Variants in CEP128 observed in about 807,000 individuals in gnomAD.
The protein encoded by CEP128 is centrosomal protein 128, also known as centrosomal protein 128kDa.
In CEP128, 132 loss-of-function variants were observed where a neutral mutation model predicts 156.7. The ratio of observed to expected loss-of-function variants is 0.84; its 90% CI spans 0.73 to 0.97. The LOEUF (loss-of-function observed/expected upper bound fraction) is 0.97, where lower values mean the gene tolerates loss of function less well. CEP128 is among the 50% of genes least tolerant of loss of function. CEP128 has a pLI of 0.00. For missense variants in CEP128, 1,252 were observed against 1,281.9 expected, an observed-to-expected ratio of 0.98 and a Z score of 0.36; for synonymous variants, 469 against 448.9, an observed-to-expected ratio of 1.04 and a Z score of -0.57.
At chr14:80,866,062 C>T (rs1019538816) in intron 8 of CEP128, among the ~76,000 whole-genome samples, 2 of 152,106 alleles carry the variant, frequency 1.3e-5, no homozygotes, top group Non-Finnish European at 2.9e-5. Flanking sequence ...CATGACCATC[C>T]CTATGGACCC....
intron 2 of CEP128, among the ~76,000 whole-genome samples, chr14:80,919,264 C>T (rs968559464): frequency 9.9e-5 from 15 of 152,068 alleles, no homozygotes; most frequent in South Asian, 2.1e-4. Context: ...ACTTCTAATA[C>T]GTAGACAATT....
chr14:80,668,827 G>A lies in CEP128; in HGVS notation c.2806+74248C>T, dbSNP rs191307383. 3.0e-3 allele frequency among the ~76,000 whole-genome samples: 462 copies of A among 152,220 alleles called. 2 individuals are homozygous for A. The highest frequency in any genetic ancestry group is 4.4e-3 in the Non-Finnish European group (298 of 68,014). Reference sequence around the variant, plus strand: ...CGTGGGAGGTAATTGAATCATAGGGGTGAGCCTTTCCTGTGCTGTTCTCAT... The same window carrying A: ...CGTGGGAGGTAATTGAATCATAGGGATGAGCCTTTCCTGTGCTGTTCTCAT... On this transcript the variant is annotated intron_variant, in intron 19 of 24. Transcript: ENST00000555265.
At chr14:80,618,930 C>T (rs927525447) in intron 19 of CEP128, among the ~76,000 whole-genome samples, 2 of 152,124 alleles carry the variant, frequency 1.3e-5, no homozygotes, top group South Asian at 2.1e-4. Flanking sequence ...AATAGTGTTG[C>T]GCTAGCTAAA....
intron 19 of CEP128, among the ~76,000 whole-genome samples, chr14:80,682,995 A>G (rs1896382716): frequency 6.6e-6 from 1 of 152,072 alleles, no homozygotes; most frequent in Non-Finnish European, 1.5e-5. Flanking sequence ...CACCCCCACC[A>G]AACACACACG....
Position 80,895,638 on chromosome 14 carries a change from C to A in CEP128, c.645+80G>T, listed in dbSNP as rs1889310177. ...ATACCACCCAAAAGGTTAAACTCTA[C>A]TAAACTTCACTGTGATTATGACCAG... is the stretch of plus-strand genomic sequence containing the variant. On this transcript the variant is annotated intron_variant, in intron 8 of 24. Transcript: ENST00000555265. 5 of 979,014 alleles carry A rather than the reference C, an allele frequency of 5.1e-6. No individual in the cohort carries two copies. The East Asian group carries it at 1.4e-4, about 27-fold the overall frequency. 60.6% of individuals were successfully genotyped at this position (979,014 alleles called of 1,614,324 possible).
chr14:80,761,176 G>C (rs1899945163), intron 17 of CEP128, among the ~76,000 whole-genome samples: 1 of 151,486 alleles, frequency 6.6e-6, no homozygotes, highest in Non-Finnish European at 1.5e-5. Flanking sequence ...TTGACTCCAA[G>C]GGCTACCTCT....
rs55964142 is a variant in CEP128 at position 80,733,339 on chromosome 14, CGTGTGTGTGTGT to C, written c.2806+9724_2806+9735del. On this transcript the variant is annotated intron_variant, in intron 19 of 24. Coordinates refer to ENST00000555265, the MANE Select transcript of CEP128 (RefSeq NM_152446.5). ...TCTCAGTCTTCATAACCACATGGGT[CGTGTGTGTGTGT>C]GTGTGTGTGTGTGTGTGTGTGTGTG... Among the ~76,000 whole-genome samples the C allele has an allele frequency of 4.2e-3, 590 of 140,220 alleles. 4 individuals carry two copies. Among genetic ancestry groups the C allele is most frequent in the Admixed American group, 0.011 (148 of 13,942 alleles). 92.0% of individuals were successfully genotyped at this position (140,220 alleles called of 152,430 possible). A position where few individuals can be genotyped will look rare whatever the true frequency, so the allele number is the denominator to read the frequency against.
intron 19 of CEP128, among the ~76,000 whole-genome samples, chr14:80,627,634 T>C (rs1035940283): frequency 2.6e-5 from 4 of 152,262 alleles, no homozygotes; most frequent in Non-Finnish European, 4.4e-5. Flanking sequence ...AAGAGAAATA[T>C]TTAGAAATTA....
At chr14:80,830,620 T>A (rs1393561384) in intron 13 of CEP128, 1 of 174,652 alleles carries the variant, frequency 5.7e-6, no homozygotes, top group East Asian at 1.7e-4. Context: ...CTAGTTATAC[T>A]CCATTCACGG....
At chr14:80,657,641 ACT>A (rs1595165462) in intron 19 of CEP128, among the ~76,000 whole-genome samples, 1 of 152,032 alleles carries the variant, frequency 6.6e-6, no homozygotes, top group Non-Finnish European at 1.5e-5. Flanking sequence ...ACAGAGTGAG[ACT>A]CTGTCTCAAA....
intron 2 of CEP128, chr14:80,955,577 C>T: frequency 7.0e-7 from 1 of 1,419,180 alleles, no homozygotes; most frequent in Non-Finnish European, 9.9e-7. Context: ...CTCTTCCCAC[C>T]CCTCCCGCTC....
chr14:80,530,763 C>A, intron 22 of CEP128, 46 bp downstream of exon 22: 1 of 1,349,248 alleles, frequency 7.4e-7, no homozygotes. Flanking sequence ...GTCAAGTGTT[C>A]TCACTCAGAT....
intron 12 of CEP128, among the ~76,000 whole-genome samples, chr14:80,832,033 C>T (rs1024882477): frequency 1.3e-5 from 2 of 152,166 alleles, no homozygotes; most frequent in Non-Finnish European, 2.9e-5. Flanking sequence ...TCTTTCCATG[C>T]TGTTCTCATG....
intron 13 of CEP128, among the ~76,000 whole-genome samples, chr14:80,795,987 A>T (rs994349933): frequency 6.6e-6 from 1 of 152,172 alleles, no homozygotes; most frequent in Admixed American, 6.5e-5. Flanking sequence ...CAACACCAAC[A>T]AAAGCACTTT....
At chr14:80,521,797 C>A (rs567948976) in intron 23 of CEP128, among the ~76,000 whole-genome samples, 2 of 152,116 alleles carry the variant, frequency 1.3e-5, no homozygotes, top group Non-Finnish European at 2.9e-5. Flanking sequence ...TCTGGAGTCC[C>A]GGCAGTGCTT....
intron 2 of CEP128, among the ~76,000 whole-genome samples, chr14:80,935,637 TCCC>T (rs1384032697): frequency 8.9e-5 from 2 of 22,448 alleles, no homozygotes; most frequent in African/African-American, 3.8e-4. Context: ...AAGCTATGAG[TCCC>T]CCCACCAAAA....
intron 16 of CEP128, among the ~76,000 whole-genome samples, chr14:80,774,435 G>A (rs1355350753): frequency 6.6e-6 from 1 of 152,076 alleles, no homozygotes; most frequent in East Asian, 1.9e-4. Context: ...AACCCATAAG[G>A]CCTCATTTAT....
At chr14:80,953,367 C>T (rs566778832) in intron 2 of CEP128, among the ~76,000 whole-genome samples, 1 of 152,264 alleles carries the variant, frequency 6.6e-6, no homozygotes, top group South Asian at 2.1e-4. Flanking sequence ...GGGCGGATCA[C>T]GAGATCAGGA....
intron 19 of CEP128, among the ~76,000 whole-genome samples, chr14:80,670,971 T>G (rs1260620362): frequency 3.3e-5 from 5 of 152,164 alleles, no homozygotes; most frequent in Non-Finnish European, 7.3e-5. Context: ...GTTACCTTGA[T>G]CTGTAAGAAA....
Sources: allele counts gnomAD v4.1 joint callset (sites outside exome capture counted in the v4.1 genomes callset), GRCh38; gene constraint gnomAD v4.1.1; transcripts MANE v1.5; gene names NCBI Gene and HGNC (gene_info 2026-07-23, HGNC 2026-07-21).